The following HS6ST3 variants were observed in gnomAD, a reference collection of about 807,000 sequenced individuals.
HS6ST3 encodes heparan sulfate 6-O-sulfotransferase 3.
Under a neutral mutation model 36.7 loss-of-function variants are expected in HS6ST3, and 12 were observed. The observed-to-expected ratio is 0.33, with a 90% confidence interval of 0.21 to 0.53. HS6ST3 has a LOEUF of 0.53. Among genes scored for constraint, HS6ST3 ranks in the 20% least tolerant of loss-of-function variants. The probability of loss-of-function intolerance (pLI) is 0.95; values close to 1 mark genes in which losing one functional copy is unlikely to be tolerated. For missense variants in HS6ST3, 584 were observed against 640.9 expected, an observed-to-expected ratio of 0.91 and a Z score of 0.96; for synonymous variants, 240 against 257.5, an observed-to-expected ratio of 0.93 and a Z score of 0.65.
At chr13:96,703,864 A>G (rs1875351643) in intron 1 of HS6ST3, among the ~76,000 whole-genome samples, 1 of 152,100 alleles carries the variant, frequency 6.6e-6, no homozygotes, top group African/African-American at 2.4e-5. Flanking sequence ...TGCTGTTCTC[A>G]TGCTAGTCAG....
At chr13:96,344,195 A>G (rs952545895) in intron 1 of HS6ST3, among the ~76,000 whole-genome samples, 1 of 152,216 alleles carries the variant, frequency 6.6e-6, no homozygotes, top group Non-Finnish European at 1.5e-5. Context: ...TAAGAACTCT[A>G]TAAGGTTGCC....
intron 1 of HS6ST3, among the ~76,000 whole-genome samples, chr13:96,413,775 T>A (rs1402466064): frequency 6.6e-6 from 1 of 152,238 alleles, no homozygotes; most frequent in Admixed American, 6.5e-5. Flanking sequence ...TTTACAGACA[T>A]CATTAGTCTG....
chr13:96,139,567 A>AAAAAAAAAAAAAAAAAAAAAAAAAAAAT (rs1491242538), intron 1 of HS6ST3, among the ~76,000 whole-genome samples: 3 of 138,696 alleles, frequency 2.2e-5, no homozygotes, highest in African/African-American at 8.4e-5. Context: ...AAAAAAAAAA[A>AAAAAAAAAAAAAAAAAAAAAAAAAAAAT]TCCATGTATA....
intron 1 of HS6ST3, among the ~76,000 whole-genome samples, chr13:96,374,461 G>A (rs1027784816): frequency 6.6e-6 from 1 of 152,070 alleles, no homozygotes; most frequent in Admixed American, 6.6e-5. Context: ...TCTCCTTCAT[G>A]TAGCATTCCT....
chr13:96,591,882 T>G (rs1479128719), intron 1 of HS6ST3, among the ~76,000 whole-genome samples: 1 of 142,220 alleles, frequency 7.0e-6, no homozygotes, highest in African/African-American at 2.8e-5. Flanking sequence ...CTATACCCAG[T>G]TTTTTTTTTA....
chr13:96,225,897 A>T (rs2054477928), intron 1 of HS6ST3, among the ~76,000 whole-genome samples: 1 of 152,210 alleles, frequency 6.6e-6, no homozygotes, highest in Non-Finnish European at 1.5e-5. Flanking sequence ...GCTTATAAGC[A>T]TGCCACCATT....
At chr13:96,408,487 T>C (rs1484355424) in intron 1 of HS6ST3, among the ~76,000 whole-genome samples, 1 of 152,216 alleles carries the variant, frequency 6.6e-6, no homozygotes, top group Non-Finnish European at 1.5e-5. Context: ...GAGCATCATT[T>C]GCACATATTT....
chr13:96,327,844 C>G (rs1029911896), intron 1 of HS6ST3, among the ~76,000 whole-genome samples: 13 of 150,130 alleles, frequency 8.7e-5, no homozygotes, highest in Non-Finnish European at 1.8e-4. Flanking sequence ...TTTGTATCCT[C>G]TTTTATTTCC....
intron 1 of HS6ST3, among the ~76,000 whole-genome samples, chr13:96,808,069 A>G (rs762664226): frequency 6.6e-6 from 1 of 152,188 alleles, no homozygotes; most frequent in African/African-American, 2.4e-5. Flanking sequence ...TTTTGACTGG[A>G]CGGTGCCAAA....
intron 1 of HS6ST3, among the ~76,000 whole-genome samples, chr13:96,157,699 A>G (rs986695439): frequency 6.6e-6 from 1 of 152,222 alleles, no homozygotes; most frequent in Non-Finnish European, 1.5e-5. Flanking sequence ...TCAGGAAGAA[A>G]AAAATAATGT....
chr13:96,330,933 T>C (rs1421630961), intron 1 of HS6ST3, among the ~76,000 whole-genome samples: 1 of 151,832 alleles, frequency 6.6e-6, no homozygotes, highest in Non-Finnish European at 1.5e-5. Flanking sequence ...TTCATTCATT[T>C]CATCTTCCAT....
chr13:96,258,042 A>G (rs1207082401), intron 1 of HS6ST3, among the ~76,000 whole-genome samples: 1 of 152,214 alleles, frequency 6.6e-6, no homozygotes, highest in Non-Finnish European at 1.5e-5. Context: ...CATTGTCATA[A>G]AATATTAAAT....
At position 96,740,824 on chromosome 13, in the gene HS6ST3, A is replaced by T. The variant is rs114188503; in HGVS notation, c.708-91666A>T. On this transcript the variant is annotated intron_variant, in intron 1 of 1. Transcript: ENST00000376705. Reference sequence around the variant, plus strand: ...TTTCCTCTCCTCTTCTAAGGGGGAGACAGAAGTCAGCCTGAGGCTGTCAGA... The same window carrying T: ...TTTCCTCTCCTCTTCTAAGGGGGAGTCAGAAGTCAGCCTGAGGCTGTCAGA... Among the ~76,000 whole-genome samples the T allele has an allele frequency of 1.5e-3, 229 of 152,266 alleles. 1 individual carries two copies. The highest frequency in any genetic ancestry group is 5.2e-3 in the African/African-American group (215 of 41,558).
chr13:96,521,733 C>A (rs2056094354), intron 1 of HS6ST3, among the ~76,000 whole-genome samples: 1 of 151,438 alleles, frequency 6.6e-6, no homozygotes, highest in African/African-American at 2.4e-5. Flanking sequence ...CTATTTGATT[C>A]TTCTCTCTTT....
At chr13:96,460,617 T>G (rs944512548) in intron 1 of HS6ST3, among the ~76,000 whole-genome samples, 1 of 152,202 alleles carries the variant, frequency 6.6e-6, no homozygotes, top group African/African-American at 2.4e-5. Context: ...GATGCATTTG[T>G]TTTTCTTCAG....
chr13:96,280,992 A>G (rs2054772868), intron 1 of HS6ST3, among the ~76,000 whole-genome samples: 1 of 152,066 alleles, frequency 6.6e-6, no homozygotes, highest in South Asian at 2.1e-4. Context: ...ACTCCCATGC[A>G]GCAACAGAAA....
intron 1 of HS6ST3, chr13:96,574,462 G>T: frequency 4.3e-6 from 2 of 466,826 alleles, no homozygotes; most frequent in South Asian, 2.3e-5. Context: ...ACTGTTTCCA[G>T]AACCATACTC....
intron 1 of HS6ST3, among the ~76,000 whole-genome samples, chr13:96,500,852 T>C (rs2056000782): frequency 6.6e-6 from 1 of 152,246 alleles, no homozygotes; most frequent in South Asian, 2.1e-4. Flanking sequence ...ATTAGAGCTA[T>C]AAAACTAACT....
intron 1 of HS6ST3, among the ~76,000 whole-genome samples, chr13:96,638,128 G>GGGAAA (rs1566417575): frequency 2.6e-5 from 4 of 152,014 alleles, no homozygotes; most frequent in African/African-American, 9.7e-5. Flanking sequence ...ATCCTGGGAA[G>GGGAAA]GTCTCAGGCA....
Sources: allele counts gnomAD v4.1 joint callset (sites outside exome capture counted in the v4.1 genomes callset), GRCh38; gene constraint gnomAD v4.1.1; transcripts MANE v1.5; gene names NCBI Gene and HGNC (gene_info 2026-07-23, HGNC 2026-07-21).